Variants in PPP3CA observed in about 807,000 individuals in gnomAD.
PPP3CA encodes the protein protein phosphatase 3 catalytic subunit alpha.
Under a neutral mutation model 66.5 loss-of-function variants are expected in PPP3CA, and 14 were observed. The ratio of observed to expected loss-of-function variants is 0.21; its 90% CI spans 0.14 to 0.33. The LOEUF (loss-of-function observed/expected upper bound fraction) is 0.33, where lower values mean the gene tolerates loss of function less well. Among genes scored for constraint, PPP3CA ranks in the 10% least tolerant of loss-of-function variants. The pLI, the probability that PPP3CA is intolerant of heterozygous loss-of-function variation, is 1.00. For synonymous variants in PPP3CA, 232 were observed against 226.2 expected (o/e 1.03, Z -0.23); for missense variants, 317 against 639.5 (o/e 0.50, Z 5.44).
chr4:101,259,284 G>A (rs192588766), intron 1 of PPP3CA, among the ~76,000 whole-genome samples: 13 of 152,144 alleles, frequency 8.5e-5, no homozygotes, highest in Admixed American at 7.2e-4. Context: ...TGCTAAACAC[G>A]TTTGTTTTCA....
At chr4:101,118,066 T>C (rs1362424839) in intron 2 of PPP3CA, among the ~76,000 whole-genome samples, 1 of 152,090 alleles carries the variant, frequency 6.6e-6, no homozygotes, top group Non-Finnish European at 1.5e-5. Flanking sequence ...ATCTGGGGTG[T>C]TCGGCTGTCT....
intron 1 of PPP3CA, among the ~76,000 whole-genome samples, chr4:101,252,594 A>C (rs1303411241): frequency 6.6e-6 from 1 of 152,208 alleles, no homozygotes; most frequent in Non-Finnish European, 1.5e-5. Context: ...GCATCTATAC[A>C]CAAAAATATT....
chr4:101,135,195 G>C (rs1268073081), intron 2 of PPP3CA, among the ~76,000 whole-genome samples: 1 of 150,894 alleles, frequency 6.6e-6, no homozygotes, highest in African/African-American at 2.4e-5. Context: ...TTCTGCACAC[G>C]TATCACAGAA....
chr4:101,044,465 T>C (rs1394563353), intron 10 of PPP3CA, among the ~76,000 whole-genome samples: 1 of 152,152 alleles, frequency 6.6e-6, no homozygotes, highest in Non-Finnish European at 1.5e-5. Context: ...TGAAGACACA[T>C]AAAATACCTT....
intron 2 of PPP3CA, among the ~76,000 whole-genome samples, chr4:101,143,212 G>C (rs1578489915): frequency 6.6e-6 from 1 of 152,082 alleles, no homozygotes; most frequent in Non-Finnish European, 1.5e-5. Context: ...GGTCTCAGAA[G>C]GTCTTTATTC....
chr4:101,197,315 A>G (rs1326242989), intron 1 of PPP3CA, among the ~76,000 whole-genome samples: 2 of 152,258 alleles, frequency 1.3e-5, no homozygotes, highest in African/African-American at 2.4e-5. Context: ...CCCGAGTTAA[A>G]TTATAACTAA....
chr4:101,123,683 A>C (rs543438826), intron 2 of PPP3CA, among the ~76,000 whole-genome samples: 5 of 151,834 alleles, frequency 3.3e-5, no homozygotes, highest in South Asian at 4.2e-4. Context: ...ATACAAAAAA[A>C]CCCCCCAAAA....
At chr4:101,240,222 G>A (rs914048374) in intron 1 of PPP3CA, among the ~76,000 whole-genome samples, 5 of 151,938 alleles carry the variant, frequency 3.3e-5, no homozygotes, top group Non-Finnish European at 7.4e-5. Context: ...AGTTCTCTGA[G>A]GATCTTTTCG....
At chr4:101,323,368 G>A (rs567960237) in intron 1 of PPP3CA, among the ~76,000 whole-genome samples, 14 of 152,286 alleles carry the variant, frequency 9.2e-5, no homozygotes, top group Admixed American at 2.6e-4. Context: ...TTTATTCAGC[G>A]ACTCTTATGG....
intron 2 of PPP3CA, chr4:101,170,960 G>T: frequency 3.6e-6 from 1 of 273,976 alleles, no homozygotes; most frequent in Non-Finnish European, 7.3e-6. Context: ...AATCATTTTG[G>T]TATTTTTTAA....
chr4:101,296,137 G>A (rs1728192459), intron 1 of PPP3CA, among the ~76,000 whole-genome samples: 1 of 152,074 alleles, frequency 6.6e-6, no homozygotes, highest in Admixed American at 6.6e-5. Flanking sequence ...TTCCTAAATG[G>A]TAGCACAAAA....
Position 101,240,812 on chromosome 4 carries a change from A to T in PPP3CA, c.59-44696T>A, listed in dbSNP as rs1281396192. On this transcript the variant is annotated intron_variant, in intron 1 of 13. Transcript: ENST00000394854. ...GTCAACACAGATTTGCCCTACATCC[A>T]AAAGATCACATTGTAACATGCAGAG... is the stretch of plus-strand genomic sequence containing the variant. 2.0e-5 allele frequency: 3 copies of T among 152,182 alleles called. No homozygotes were observed. The East Asian group carries it at 5.8e-4, about 29-fold the overall frequency. The allele number at this position is 152,182 out of a possible 1,614,324, so 9.4% of individuals were successfully genotyped here. A position where few individuals can be genotyped will look rare whatever the true frequency, so the allele number is the denominator to read the frequency against.
At chr4:101,274,306 C>T (rs1179731571) in intron 1 of PPP3CA, among the ~76,000 whole-genome samples, 7 of 152,122 alleles carry the variant, frequency 4.6e-5, no homozygotes, top group Admixed American at 2.6e-4. Flanking sequence ...AGCAAGACTC[C>T]GTCTCAAAAA....
chr4:101,258,669 T>C (rs1168774413), intron 1 of PPP3CA, among the ~76,000 whole-genome samples: 1 of 152,048 alleles, frequency 6.6e-6, no homozygotes, highest in Non-Finnish European at 1.5e-5. Flanking sequence ...CCACCACCCA[T>C]TTCCTGGTCC....
At chr4:101,255,505 A>G (rs1726812200) in intron 1 of PPP3CA, among the ~76,000 whole-genome samples, 1 of 151,902 alleles carries the variant, frequency 6.6e-6, no homozygotes, top group Non-Finnish European at 1.5e-5. Flanking sequence ...GGGCAACAAC[A>G]GAGATAGAAA....
At chr4:101,240,716 G>C (rs1021621588) in intron 1 of PPP3CA, 1 of 151,910 alleles carries the variant, frequency 6.6e-6, no homozygotes, top group Non-Finnish European at 1.5e-5. Context: ...CTAATATTCA[G>C]AAAATCTTTC....
chr4:101,205,726 T>C (rs925525609), intron 1 of PPP3CA, among the ~76,000 whole-genome samples: 1 of 152,230 alleles, frequency 6.6e-6, no homozygotes, highest in Admixed American at 6.5e-5. Context: ...ATTTAATGAA[T>C]TGACTTTCTC....
chr4:101,303,561 T>C (rs1054405672), intron 1 of PPP3CA, among the ~76,000 whole-genome samples: 1 of 152,196 alleles, frequency 6.6e-6, no homozygotes, highest in Non-Finnish European at 1.5e-5. Flanking sequence ...ATGTACCATA[T>C]GTAATCCAAA....
intron 2 of PPP3CA, among the ~76,000 whole-genome samples, chr4:101,131,861 C>G (rs954881694): frequency 6.6e-6 from 1 of 152,202 alleles, no homozygotes; most frequent in African/African-American, 2.4e-5. Context: ...AAGTAAAACA[C>G]TTCTCAGCAA....
Sources: gnomAD v4.1 joint callset for allele counts (sites outside exome capture counted in the v4.1 genomes callset) on GRCh38, gnomAD v4.1.1 for gene constraint, MANE v1.5 for transcripts, NCBI Gene and HGNC (gene_info 2026-07-23, HGNC 2026-07-21) for gene names.